RUFY1: variants seen among roughly 807,000 people sequenced by gnomAD.
RUFY1 encodes the protein RUN and FYVE domain containing 1, also known as RUN and FYVE domain-containing protein 1.
In RUFY1, 54 loss-of-function variants were observed where a neutral mutation model predicts 94.6. The ratio of observed to expected loss-of-function variants is 0.57; its 90% CI spans 0.46 to 0.72. RUFY1 has a LOEUF of 0.72. RUFY1 is among the 30% of genes least tolerant of loss of function. RUFY1 has a pLI of 0.00. For synonymous variants in RUFY1, 396 were observed against 347.3 expected (o/e 1.14, Z -1.56); for missense variants, 883 against 883.9 (o/e 1.00, Z 0.01).
intron 3 of RUFY1, among the ~76,000 whole-genome samples, chr5:179,565,841 A>G (rs1347562847): frequency 6.6e-6 from 1 of 152,088 alleles, no homozygotes. Flanking sequence ...TCAAATTGCC[A>G]CTAGAAAGTT....
At position 179,560,108 on chromosome 5, in the gene RUFY1, C is replaced by T. The variant is rs145492098; in HGVS notation, c.394C>T (p.Leu132=). 1.2e-6 allele frequency: 2 copies of T among 1,614,120 alleles called. No individual in the cohort carries two copies. The highest frequency in any genetic ancestry group is 3.3e-5 in the Admixed American group (2 of 59,996). ...CATCAAGGTGTTGCTCCAGTCGGCT[C>T]TGAGCCTGGGCCGCAGCCTGGATGC... ...LSIKVLLQSA[L]SLGRSLDADH... Residue 132 remains leucine, a synonymous_variant, in exon 2 of 18, where the codon CTG becomes TTG. Coordinates refer to ENST00000319449, the MANE Select transcript of RUFY1 (RefSeq NM_025158.5).
chr5:179,609,163 C>T (rs1581587184), intron 17 of RUFY1, among the ~76,000 whole-genome samples: 3 of 147,478 alleles, frequency 2.0e-5, no homozygotes. Context: ...GCTGAGATCG[C>T]GCCACTGCAC....
chr5:179,605,747 C>A, intron 15 of RUFY1, 129 bp from the exon 16 acceptor site: 1 of 727,306 alleles, frequency 1.4e-6, no homozygotes, highest in East Asian at 2.5e-5. Context: ...GGCATTTTAA[C>A]AACTCACGTT....
rs1419203011 is a variant in RUFY1, at chr5:179,594,889, G to A, written c.1437G>A (p.Gln479=). 6.2e-7 allele frequency: 1 copy of A among 1,612,290 alleles called. No homozygotes were observed. The highest frequency in any genetic ancestry group is 8.5e-7 in the Non-Finnish European group (1 of 1,179,028). Residue 479 remains glutamine (Q), a synonymous_variant, in exon 12 of 18, where the codon CAG becomes CAA. Coordinates refer to ENST00000319449, the MANE Select transcript of RUFY1 (RefSeq NM_025158.5). ...AGAATGCAGAGAGCAGTTTGCAGCAGAAGAATGAAGCCATCACATCCTTTG... is the reference window on the plus strand; with the variant it reads ...AGAATGCAGAGAGCAGTTTGCAGCAAAAGAATGAAGCCATCACATCCTTTG... ...KAQNAESSLQ[Q]KNEAITSFEG...
At chr5:179,574,199 G>A (rs9329083) in intron 5 of RUFY1, among the ~76,000 whole-genome samples, 61,198 of 151,368 alleles carry the variant, frequency 0.4, 12,788 homozygotes, top group East Asian at 0.72. Flanking sequence ...GGTTGAGACC[G>A]CCCTGACCAA....
rs10541437 is a variant in RUFY1, at chr5:179,583,411, A to AATATAT, written c.957-2370_957-2365dup. On this transcript the variant is annotated intron_variant, in intron 7 of 17. Coordinates refer to ENST00000319449, the MANE Select transcript of RUFY1 (RefSeq NM_025158.5). ...TTGAGGATATATCTTTTCTCATATA[A>AATATAT]ATATATATATATATATATATTTTAA... 3.5e-3 allele frequency among the ~76,000 whole-genome samples: 502 copies of AATATAT among 144,014 alleles called. 8 individuals are homozygous for AATATAT. Among genetic ancestry groups the AATATAT allele is most frequent in the Admixed American group, 0.027 (390 of 14,242 alleles). 94.5% of individuals were successfully genotyped at this position (144,014 alleles called of 152,430 possible).
intron 16 of RUFY1, 49 bp from the exon 17 acceptor site, chr5:179,607,533 T>C (rs763923476): frequency 6.5e-7 from 1 of 1,541,418 alleles, no homozygotes; most frequent in Non-Finnish European, 9.0e-7. Context: ...TACCCACTCA[T>C]CAGGGGCTTA....
intron 13 of RUFY1, among the ~76,000 whole-genome samples, chr5:179,597,719 T>TGAGAGAA (rs147242658): frequency 6.6e-6 from 1 of 152,008 alleles, no homozygotes; most frequent in East Asian, 1.9e-4. Context: ...AGCCTGATGT[T>TGAGAGAA]GAGAGAAGAG....
At chr5:179,595,020 T>C (rs1040155436) in intron 12 of RUFY1, 57 bp downstream of exon 12, 1 of 1,260,732 alleles carries the variant, frequency 7.9e-7, no homozygotes, top group East Asian at 2.4e-5. Context: ...TCCCTGGGCC[T>C]GGAGACTTAT....
At chr5:179,551,481 T>G (rs1761849259) in intron 1 of RUFY1, among the ~76,000 whole-genome samples, 1 of 152,128 alleles carries the variant, frequency 6.6e-6, no homozygotes, top group African/African-American at 2.4e-5. Flanking sequence ...TGTGTGTGTG[T>G]TTTTGTTTTT....
intron 15 of RUFY1, chr5:179,603,587 G>A (rs949486522): frequency 6.6e-6 from 1 of 152,298 alleles, no homozygotes; most frequent in Non-Finnish European, 1.5e-5. Context: ...CAGCTGTGAG[G>A]GCATCCCGAG....
At chr5:179,572,565 G>C in intron 5 of RUFY1, 1 of 231,360 alleles carries the variant, frequency 4.3e-6, no homozygotes, top group Non-Finnish European at 9.1e-6. Context: ...GGTGACTTTT[G>C]CCAGATCACT....
At chr5:179,554,789 G>A (rs1762027088) in intron 1 of RUFY1, among the ~76,000 whole-genome samples, 1 of 151,796 alleles carries the variant, frequency 6.6e-6, no homozygotes, top group South Asian at 2.1e-4. Flanking sequence ...CCAACATGGT[G>A]AAACCCCGTC....
chr5:179,581,088 C>G, intron 7 of RUFY1, 76 bp downstream of exon 7: 1 of 856,928 alleles, frequency 1.2e-6, no homozygotes, highest in African/African-American at 1.7e-5. Flanking sequence ...CTTCGAGTTG[C>G]CACGTATTTA....
chr5:179,602,948 A>G (rs1397247873), intron 15 of RUFY1, among the ~76,000 whole-genome samples: 2 of 152,196 alleles, frequency 1.3e-5, no homozygotes, highest in African/African-American at 4.8e-5. Flanking sequence ...CCTGGTCTGC[A>G]CCAGAAATTT....
At chr5:179,584,499 C>T (rs760323661) in intron 7 of RUFY1, among the ~76,000 whole-genome samples, 12 of 152,136 alleles carry the variant, frequency 7.9e-5, no homozygotes, top group Non-Finnish European at 1.5e-4. Context: ...TGCTTAGAGG[C>T]CAGGTGTGGA....
At chr5:179,584,822 G>T (rs1764468968) in intron 7 of RUFY1, among the ~76,000 whole-genome samples, 1 of 151,994 alleles carries the variant, frequency 6.6e-6, no homozygotes, top group South Asian at 2.1e-4. Context: ...TTTAAATGGG[G>T]AAGGTGTAAA....
At chr5:179,566,626 A>G (rs1222853648) in intron 3 of RUFY1, among the ~76,000 whole-genome samples, 61 of 58,542 alleles carry the variant, frequency 1.0e-3, no homozygotes, top group Admixed American at 5.8e-3. Context: ...CTCCATCTCG[A>G]AAAAAAAAAA....
At chr5:179,581,213 G>A (rs1403732355) in intron 7 of RUFY1, among the ~76,000 whole-genome samples, 1 of 152,132 alleles carries the variant, frequency 6.6e-6, no homozygotes. Flanking sequence ...TCTTTATTCT[G>A]TGCTTTTTGC....
Sources: gnomAD v4.1 joint callset for allele counts (sites outside exome capture counted in the v4.1 genomes callset) on GRCh38, gnomAD v4.1.1 for gene constraint, MANE v1.5 for transcripts, NCBI Gene and HGNC (gene_info 2026-07-23, HGNC 2026-07-21) for gene names.